DTD2: variants seen among roughly 807,000 people sequenced by gnomAD.
DTD2 encodes D-aminoacyl-tRNA deacylase 2.
A neutral mutation model predicts 15.5 loss-of-function variants in DTD2; 12 were observed. The observed-to-expected ratio is 0.77, with a 90% confidence interval of 0.50 to 1.25. The LOEUF (loss-of-function observed/expected upper bound fraction) is 1.25. Ranked by LOEUF, DTD2 falls within the 50% of genes most tolerant of loss-of-function variation. DTD2 has a pLI of 0.00. For missense variants in DTD2, 170 were observed against 201.1 expected (o/e 0.85, Z 0.93); for synonymous variants, 59 against 77.3 (o/e 0.76, Z 1.24).
At chr14:31,451,130 C>G (rs980849788) in intron 2 of DTD2, among the ~76,000 whole-genome samples, 1 of 151,608 alleles carries the variant, frequency 6.6e-6, no homozygotes, top group African/African-American at 2.4e-5. Context: ...TAATAGGAGT[C>G]CTCATTACAT....
chr14:31,446,799 CA>C lies in DTD2; in HGVS notation c.*1329del, dbSNP rs2031964675. 1 of 152,122 alleles carries C rather than the reference CA, an allele frequency of 6.6e-6. No homozygotes were observed. The highest frequency in any genetic ancestry group is 1.5e-5 in the Non-Finnish European group (1 of 68,016). The allele number at this position is 152,122 out of a possible 1,614,324, so 9.4% of individuals were successfully genotyped here. A position where few individuals can be genotyped will look rare whatever the true frequency, so the allele number is the denominator to read the frequency against. ...ATCAAGCAGATAATATGGAAATGAACAAGTCAATTTGTTTTCAAACTATTCT... is the reference window on the plus strand; with the variant it reads ...ATCAAGCAGATAATATGGAAATGAACAGTCAATTTGTTTTCAAACTATTCT... On this transcript the variant is annotated 3_prime_UTR_variant, in exon 3 of 3. Coordinates refer to ENST00000310850, the MANE Select transcript of DTD2 (RefSeq NM_080664.3).
At chr14:31,455,742 C>T (rs2032088341) in intron 1 of DTD2, among the ~76,000 whole-genome samples, 2 of 151,276 alleles carry the variant, frequency 1.3e-5, no homozygotes, top group Admixed American at 6.6e-5. Context: ...CCACCAAGCC[C>T]GGCTAATTTT....
At chr14:31,455,067 G>T (rs1156735528) in intron 1 of DTD2, among the ~76,000 whole-genome samples, 4 of 152,182 alleles carry the variant, frequency 2.6e-5, no homozygotes, top group Admixed American at 6.5e-5. Flanking sequence ...GTGTGTAGGA[G>T]TGAAAGGGAA....
chr14:31,453,411 TAC>T, intron 1 of DTD2, 67 bp from the exon 2 acceptor site: 1 of 1,363,518 alleles, frequency 7.3e-7, no homozygotes, highest in Non-Finnish European at 1.0e-6. Flanking sequence ...GCTAAATGGG[TAC>T]AGTTTCACAA....
Position 31,448,466 on chromosome 14 carries a change from A to G in DTD2, c.182-12T>C. On this transcript the variant is annotated splice_polypyrimidine_tract_variant and intron_variant, in intron 2 of 2. Coordinates refer to ENST00000310850, the MANE Select transcript of DTD2 (RefSeq NM_080664.3). The stretch of plus-strand genomic sequence containing the variant: ...TAACAGTGTATTAACTGGGTGAGGA[A>G]GAAAGGCAAAACATTTTAAAGTGAA... The G allele has an allele frequency of 6.4e-7, 1 of 1,569,812 alleles. No individual in the cohort carries two copies. The highest frequency in any genetic ancestry group is 8.6e-7 in the Non-Finnish European group (1 of 1,157,756).
chr14:31,457,488 C>G lies in DTD2; in HGVS notation c.-95G>C. 8 of 955,752 alleles carry G rather than the reference C, an allele frequency of 8.4e-6. No individual in the cohort carries two copies. Among genetic ancestry groups the G allele is most frequent in the Non-Finnish European group, 1.2e-5 (8 of 673,452 alleles). The allele number at this position is 955,752 out of a possible 1,614,324, so 59.2% of individuals were successfully genotyped here. ...GCGGGGCAGACGAGGCGGGGCACGACGAAGGGCCTGCGCCGATTGCCCAGT... is the reference window on the plus strand; with the variant it reads ...GCGGGGCAGACGAGGCGGGGCACGAGGAAGGGCCTGCGCCGATTGCCCAGT... On this transcript the variant is annotated 5_prime_UTR_variant, in exon 1 of 3. Coordinates refer to ENST00000310850, the MANE Select transcript of DTD2 (RefSeq NM_080664.3).
chr14:31,451,221 C>T (rs1421086325), intron 2 of DTD2, among the ~76,000 whole-genome samples: 1 of 149,080 alleles, frequency 6.7e-6, no homozygotes, highest in Non-Finnish European at 1.5e-5. Flanking sequence ...GATCTCGGCT[C>T]ACTGCAAACT....
At chr14:31,451,190 C>T (rs1006638565) in intron 2 of DTD2, among the ~76,000 whole-genome samples, 6 of 150,706 alleles carry the variant, frequency 4.0e-5, no homozygotes, top group African/African-American at 1.5e-4. Flanking sequence ...CTCTGTCGCC[C>T]AGGCTGGAGT....
intron 1 of DTD2, 183 bp downstream of exon 1, chr14:31,457,100 G>T: frequency 1.7e-6 from 1 of 602,312 alleles, no homozygotes; most frequent in Non-Finnish European, 3.0e-6. Context: ...GAACGGTGAT[G>T]CTGGACCGAA....
chr14:31,456,104 A>G (rs1221989460), intron 1 of DTD2, among the ~76,000 whole-genome samples: 1 of 152,130 alleles, frequency 6.6e-6, no homozygotes, highest in Non-Finnish European at 1.5e-5. Context: ...ACTATTTACA[A>G]TAAGTAGGCG....
At chr14:31,451,591 T>C (rs886281364) in intron 2 of DTD2, among the ~76,000 whole-genome samples, 1 of 152,208 alleles carries the variant, frequency 6.6e-6, no homozygotes, top group African/African-American at 2.4e-5. Context: ...GCATAGTCTC[T>C]TAAGTCTGGT....
intron 1 of DTD2, among the ~76,000 whole-genome samples, chr14:31,455,172 T>A (rs2032080995): frequency 6.6e-6 from 1 of 152,118 alleles, no homozygotes; most frequent in South Asian, 2.1e-4. Flanking sequence ...AGATGTAGCC[T>A]GAACAACATA....
intron 1 of DTD2, among the ~76,000 whole-genome samples, chr14:31,453,995 A>T (rs886170315): frequency 2.0e-5 from 3 of 152,236 alleles, no homozygotes; most frequent in African/African-American, 7.2e-5. Context: ...ATTTTACATA[A>T]TGGCTTGGAT....
rs1415095114 is a variant in DTD2 at position 31,448,373 on chromosome 14, A to C, written c.263T>G (p.Leu88Arg). The stretch of plus-strand genomic sequence containing the variant: ...TCCAAGGGTAGCTTGAGGGATAATA[A>C]GAATGTTGCCAGGTAGATCCAATAT... ...VSILDLPGNI[L>R]IIPQATLGGR... Residue 88 changes from leucine (L) to arginine (R), a missense_variant, in exon 3 of 3, where the codon CTT (leucine) becomes CGT (arginine). Transcript: ENST00000310850. 1 of 1,614,094 alleles carries C rather than the reference A, an allele frequency of 6.2e-7. No homozygotes were observed. The highest frequency in any genetic ancestry group is 1.3e-5 in the African/African-American group (1 of 74,938).
Position 31,446,404 on chromosome 14 carries a change from A to G in DTD2, c.*1725T>C, listed in dbSNP as rs954808309. 6.6e-6 allele frequency: 1 copy of G among 152,084 alleles called. No individual in the cohort carries two copies. Among genetic ancestry groups the G allele is most frequent in the Non-Finnish European group, 1.5e-5 (1 of 68,024 alleles). The allele number at this position is 152,084 out of a possible 1,614,324, so 9.4% of individuals were successfully genotyped here. A position where few individuals can be genotyped will look rare whatever the true frequency, so the allele number is the denominator to read the frequency against. On this transcript the variant is annotated 3_prime_UTR_variant, in exon 3 of 3. Coordinates refer to ENST00000310850, the MANE Select transcript of DTD2 (RefSeq NM_080664.3). ...CTGAATATTACCTCTTACTGACTTA[A>G]TTATTCTTTCAATTTCTTGTATATC...
intron 2 of DTD2, chr14:31,452,961 A>C: frequency 5.9e-6 from 1 of 170,922 alleles, no homozygotes; most frequent in Non-Finnish European, 1.2e-5. Context: ...TTTTTGAGAC[A>C]GGGTCTCACT....
rs2032111397 is a variant in DTD2, at chr14:31,457,423, T to G, written c.-30A>C. 5 of 1,429,798 alleles carry G rather than the reference T, an allele frequency of 3.5e-6. No individual in the cohort carries two copies. Among genetic ancestry groups the G allele is most frequent in the Non-Finnish European group, 4.6e-6 (5 of 1,079,628 alleles). The allele number at this position is 1,429,798 out of a possible 1,614,324, so 88.6% of individuals were successfully genotyped here. On this transcript the variant is annotated 5_prime_UTR_variant, in exon 1 of 3. Coordinates refer to ENST00000310850, the MANE Select transcript of DTD2 (RefSeq NM_080664.3). ...TAAGCCAGCGCCGCGGCCGGACAGT[T>G]ACTAGGCCATGTGTCGCTGGCCCCT... is the stretch of plus-strand genomic sequence containing the variant.
At chr14:31,449,686 A>G (rs1213429264) in intron 2 of DTD2, among the ~76,000 whole-genome samples, 1 of 152,226 alleles carries the variant, frequency 6.6e-6, no homozygotes, top group Non-Finnish European at 1.5e-5. Flanking sequence ...CTACCTCTAT[A>G]AAGGTATACA....
intron 2 of DTD2, among the ~76,000 whole-genome samples, chr14:31,449,772 C>T (rs1344599938): frequency 6.6e-6 from 1 of 152,138 alleles, no homozygotes. Flanking sequence ...GACACCTGCC[C>T]TCAAATTAGG....
Sources: allele counts gnomAD v4.1 joint callset (sites outside exome capture counted in the v4.1 genomes callset), GRCh38; gene constraint gnomAD v4.1.1; transcripts MANE v1.5; gene names NCBI Gene and HGNC (gene_info 2026-07-23, HGNC 2026-07-21).